C12orf42: variants seen among roughly 807,000 people sequenced by gnomAD.
C12orf42 encodes the protein chromosome 12 open reading frame 42, also known as uncharacterized protein C12orf42.
C12orf42 carries 25 observed loss-of-function variants against 21.6 expected under a neutral mutation model. The observed-to-expected ratio is 1.16, with a 90% CI of 0.84 to 1.62. The LOEUF is 1.62. C12orf42 is among the 40% of genes most tolerant of loss of function. The pLI is 0.00. For synonymous variants in C12orf42, 174 were observed against 175.0 expected (o/e 0.99, Z 0.05); for missense variants, 483 against 459.3 (o/e 1.05, Z -0.47).
At chr12:103,558,655 T>C in the C12orf42 span, 1 of 152,232 alleles carries the variant, frequency 6.6e-6, no homozygotes, top group African/African-American at 2.4e-5. Context: ...GTTTCAGGTT[T>C]TTGTTTATTT....
At chr12:103,152,172 A>G in the C12orf42 span, among the ~76,000 whole-genome samples, 1 of 152,230 alleles carries the variant, frequency 6.6e-6, no homozygotes, top group East Asian at 1.9e-4. Context: ...GAAGAGAATC[A>G]AGAGCTCCAG....
chr12:103,274,069 G>A (rs1477907866), intron 5 of C12orf42, among the ~76,000 whole-genome samples: 1 of 152,088 alleles, frequency 6.6e-6, no homozygotes, highest in Non-Finnish European at 1.5e-5. Flanking sequence ...GGCTTATTCA[G>A]GGACAGAAAC....
chr12:103,118,772 T>TGAA, the C12orf42 span, among the ~76,000 whole-genome samples: 1 of 41,640 alleles, frequency 2.4e-5, no homozygotes, highest in African/African-American at 9.2e-5. Context: ...CACTCCAGCC[T>TGAA]AAAAAAAAAA....
intron 4 of C12orf42, among the ~76,000 whole-genome samples, chr12:103,339,471 G>A (rs1228298022): frequency 6.6e-6 from 1 of 152,110 alleles, no homozygotes; most frequent in Non-Finnish European, 1.5e-5. Flanking sequence ...TTCTGTTTCT[G>A]TGTTAGTTTG....
chr12:103,118,764 C>A, the C12orf42 span, among the ~76,000 whole-genome samples: 1 of 110,538 alleles, frequency 9.0e-6, no homozygotes, highest in Non-Finnish European at 1.7e-5. Flanking sequence ...CGCCATTGCA[C>A]TCCAGCCTAA....
chr12:103,475,558 A>T (rs534309206), intron 2 of C12orf42, among the ~76,000 whole-genome samples: 5 of 152,324 alleles, frequency 3.3e-5, no homozygotes, highest in Admixed American at 1.3e-4. Flanking sequence ...CAGAATCTAA[A>T]TTCAGGTCAT....
At chr12:103,241,487 C>A (rs1479896091) in intron 10 of C12orf42, among the ~76,000 whole-genome samples, 1 of 152,094 alleles carries the variant, frequency 6.6e-6, no homozygotes, top group African/African-American at 2.4e-5. Context: ...TTCCTATTTA[C>A]CTTATAAAAG....
intron 3 of C12orf42, among the ~76,000 whole-genome samples, chr12:103,376,385 A>G (rs1033856238): frequency 1.3e-5 from 2 of 152,182 alleles, no homozygotes; most frequent in East Asian, 3.9e-4. Context: ...GGAGGGGAAC[A>G]TCACACACCA....
At chr12:103,491,345 T>G (rs1289992757) in intron 1 of C12orf42, among the ~76,000 whole-genome samples, 3 of 152,232 alleles carry the variant, frequency 2.0e-5, no homozygotes, top group African/African-American at 7.2e-5. Flanking sequence ...AATCTCTATA[T>G]GTACTATAAC....
At chr12:103,077,394 A>G in the C12orf42 span, among the ~76,000 whole-genome samples, 1 of 152,242 alleles carries the variant, frequency 6.6e-6, no homozygotes, top group African/African-American at 2.4e-5. Flanking sequence ...CATTGAACTT[A>G]ATGTATGCCA....
the C12orf42 span, among the ~76,000 whole-genome samples, chr12:103,174,758 ATCT>A: frequency 2.6e-5 from 4 of 152,202 alleles, no homozygotes; most frequent in African/African-American, 9.6e-5. Flanking sequence ...TCAAATTCAT[ATCT>A]TCTAACAGTT....
chr12:103,396,646 G>A (rs2047560260), intron 3 of C12orf42: 2 of 152,180 alleles, frequency 1.3e-5, no homozygotes, highest in African/African-American at 4.8e-5. Context: ...CAAGTTTCTT[G>A]GGAGAGTGCA....
At chr12:103,292,772 T>C (rs1175356364) in intron 4 of C12orf42, among the ~76,000 whole-genome samples, 1 of 152,080 alleles carries the variant, frequency 6.6e-6, no homozygotes, top group Non-Finnish European at 1.5e-5. Context: ...ATTTTGAAAT[T>C]CATGCATATA....
intron 4 of C12orf42, among the ~76,000 whole-genome samples, chr12:103,365,322 C>A (rs576313897): frequency 6.6e-6 from 1 of 151,938 alleles, no homozygotes; most frequent in Admixed American, 6.6e-5. Flanking sequence ...AAGTGACATG[C>A]CTCAATGTAA....
At chr12:103,286,846 C>T (rs551909192) in intron 4 of C12orf42, among the ~76,000 whole-genome samples, 51 of 151,326 alleles carry the variant, frequency 3.4e-4, no homozygotes, top group South Asian at 1.5e-3. Flanking sequence ...GTGTTGGGTA[C>T]GGTAAAGGGA....
intron 4 of C12orf42, among the ~76,000 whole-genome samples, chr12:103,317,940 A>G (rs1190136760): frequency 1.3e-5 from 2 of 152,202 alleles, no homozygotes; most frequent in Non-Finnish European, 2.9e-5. Flanking sequence ...AGTATCCACA[A>G]TGTATTTGTC....
intron 4 of C12orf42, among the ~76,000 whole-genome samples, chr12:103,312,964 C>T (rs1939131364): frequency 6.6e-6 from 1 of 152,164 alleles, no homozygotes; most frequent in Non-Finnish European, 1.5e-5. Context: ...TCTGAGATAC[C>T]AGCGAGCTGA....
chr12:103,323,869 T>C (rs975872483), intron 4 of C12orf42, among the ~76,000 whole-genome samples: 2 of 152,226 alleles, frequency 1.3e-5, no homozygotes, highest in Admixed American at 6.5e-5. Flanking sequence ...TAACATATTA[T>C]AATGCAGTCA....
chr12:103,513,559 C>T, the C12orf42 span, among the ~76,000 whole-genome samples: 1 of 151,918 alleles, frequency 6.6e-6, no homozygotes, highest in Non-Finnish European at 1.5e-5. Flanking sequence ...TTCCCCTCAA[C>T]CAAAAAAAGA....
Sources: gnomAD v4.1 joint callset for allele counts (sites outside exome capture counted in the v4.1 genomes callset) on GRCh38, gnomAD v4.1.1 for gene constraint, MANE v1.5 for transcripts, NCBI Gene and HGNC (gene_info 2026-07-23, HGNC 2026-07-21) for gene names.